Variants in ADGRL3 observed in about 807,000 individuals in gnomAD.
ADGRL3 encodes the protein calcium-independent alpha-latrotoxin receptor 3.
In ADGRL3, 62 loss-of-function variants were observed where a neutral mutation model predicts 153.5. The observed-to-expected ratio is 0.40, with a 90% CI of 0.33 to 0.50. ADGRL3 has a LOEUF of 0.50. Among genes scored for constraint, ADGRL3 ranks in the 20% least tolerant of loss-of-function variants. ADGRL3 has a pLI of 0.47. For missense variants in ADGRL3, 1,641 were observed against 1,859.4 expected (o/e 0.88, Z 2.16); for synonymous variants, 710 against 672.5 (o/e 1.06, Z -0.86).
At chr4:61,446,578 G>T (rs779923492) in intron 2 of ADGRL3, among the ~76,000 whole-genome samples, 7 of 152,120 alleles carry the variant, frequency 4.6e-5, no homozygotes, top group Non-Finnish European at 7.4e-5. Context: ...CTAGTTAATG[G>T]TCTGTCTGGC....
At chr4:61,443,452 A>G (rs1201032480) in intron 2 of ADGRL3, among the ~76,000 whole-genome samples, 1 of 152,162 alleles carries the variant, frequency 6.6e-6, no homozygotes, top group African/African-American at 2.4e-5. Context: ...AATGAGTAAT[A>G]TCATTGTGTG....
intron 1 of ADGRL3, among the ~76,000 whole-genome samples, chr4:61,246,968 C>G (rs1577969246): frequency 6.6e-6 from 1 of 152,000 alleles, no homozygotes; most frequent in Non-Finnish European, 1.5e-5. Flanking sequence ...TATAACACAA[C>G]ACAAATTGAA....
chr4:61,693,358 A>AT (rs202212530), intron 6 of ADGRL3, among the ~76,000 whole-genome samples: 58 of 149,918 alleles, frequency 3.9e-4, no homozygotes, highest in South Asian at 1.3e-3. Flanking sequence ...AGTTTTTTCT[A>AT]TTTTTTTTTC....
chr4:61,848,320 C>T (rs191684273), intron 9 of ADGRL3, among the ~76,000 whole-genome samples: 3 of 150,870 alleles, frequency 2.0e-5, no homozygotes, highest in African/African-American at 7.3e-5. Flanking sequence ...GGGCCATGTT[C>T]CCTCTGAAGC....
chr4:61,690,179 T>TCA (rs962685969), intron 6 of ADGRL3, among the ~76,000 whole-genome samples: 2 of 152,162 alleles, frequency 1.3e-5, no homozygotes, highest in African/African-American at 4.8e-5. Context: ...ACAAAGTGGC[T>TCA]CACACCTATA....
At chr4:61,314,918 G>T (rs1212058384) in intron 1 of ADGRL3, among the ~76,000 whole-genome samples, 1 of 152,200 alleles carries the variant, frequency 6.6e-6, no homozygotes, top group African/African-American at 2.4e-5. Context: ...GTTGGAAATT[G>T]AATCTATTAT....
chr4:61,275,068 G>A (rs142142020), intron 1 of ADGRL3, among the ~76,000 whole-genome samples: 393 of 152,264 alleles, frequency 2.6e-3, no homozygotes, highest in Non-Finnish European at 4.1e-3. Context: ...CAGTGGCCCA[G>A]AATTGCAACT....
At chr4:61,252,603 A>C (rs1759701774) in intron 1 of ADGRL3, among the ~76,000 whole-genome samples, 1 of 152,170 alleles carries the variant, frequency 6.6e-6, no homozygotes, top group Admixed American at 6.5e-5. Context: ...TGAAAGCACA[A>C]TAATATCAAA....
At chr4:61,648,774 A>T (rs1222541497) in intron 5 of ADGRL3, among the ~76,000 whole-genome samples, 1 of 152,006 alleles carries the variant, frequency 6.6e-6, no homozygotes, top group South Asian at 2.1e-4. Context: ...CACCTTACAT[A>T]TATCATTTCA....
intron 1 of ADGRL3, among the ~76,000 whole-genome samples, chr4:61,270,695 A>C (rs982551318): frequency 9.2e-5 from 14 of 151,780 alleles, no homozygotes; most frequent in African/African-American, 3.4e-4. Context: ...AGAATGACCA[A>C]GAAATGGAAA....
rs141599605 is a variant in ADGRL3, at chr4:61,525,866, G to A, written c.259+8348G>A. Among the ~76,000 whole-genome samples the A allele has an allele frequency of 1.4e-3, 206 of 152,220 alleles. 1 individual carries two copies. Among genetic ancestry groups the A allele is most frequent in the African/African-American group, 4.7e-3 (197 of 41,546 alleles). ...TGGTGAAGTTGGTCTTAGATATATT[G>A]ATTTAGAGGTGCAAATGTGAAGCAG... On this transcript the variant is annotated intron_variant, in intron 4 of 26. Coordinates refer to ENST00000683033, the MANE Select transcript of ADGRL3 (RefSeq NM_001387552.1).
At chr4:61,841,463 C>T (rs1039174822) in intron 9 of ADGRL3, among the ~76,000 whole-genome samples, 2 of 152,234 alleles carry the variant, frequency 1.3e-5, no homozygotes, top group African/African-American at 2.4e-5. Flanking sequence ...TTTCATCAAC[C>T]GCTCATTGTA....
chr4:61,667,081 A>G (rs766792491), intron 5 of ADGRL3, among the ~76,000 whole-genome samples: 1 of 152,094 alleles, frequency 6.6e-6, no homozygotes, highest in Admixed American at 6.5e-5. Context: ...AATTTTACTC[A>G]TGTGTCTGAC....
intron 1 of ADGRL3, among the ~76,000 whole-genome samples, chr4:61,341,907 T>C (rs1008167853): frequency 6.6e-6 from 1 of 152,166 alleles, no homozygotes; most frequent in African/African-American, 2.4e-5. Context: ...TTGTAATTAA[T>C]ATTTTGTTAA....
At chr4:61,273,012 C>A (rs2093279441) in intron 1 of ADGRL3, among the ~76,000 whole-genome samples, 1 of 152,080 alleles carries the variant, frequency 6.6e-6, no homozygotes, top group African/African-American at 2.4e-5. Context: ...CTCTCTACTA[C>A]TCAGTATTCT....
rs557111877 is a variant in ADGRL3 at position 61,823,799 on chromosome 4, C to T, written c.1480+9910C>T. Among the ~76,000 whole-genome samples, 14 of 152,252 alleles carry T rather than the reference C, an allele frequency of 9.2e-5. No individual in the cohort carries two copies. In the South Asian group the frequency reaches 1.2e-3, roughly 14 times the overall value. ...TCCATAGGCTGGGCATGGTGGCTAACGCCTGTAATCCCAGCTCTTTGAGAG... is the reference window on the plus strand; with the variant it reads ...TCCATAGGCTGGGCATGGTGGCTAATGCCTGTAATCCCAGCTCTTTGAGAG... On this transcript the variant is annotated intron_variant, in intron 9 of 26. Transcript: ENST00000683033.
chr4:61,844,575 A>AAAAATAT (rs1554045137), intron 9 of ADGRL3, among the ~76,000 whole-genome samples: 5 of 18,108 alleles, frequency 2.8e-4, no homozygotes, highest in Admixed American at 1.4e-3. Flanking sequence ...AAAAAAAAAA[A>AAAAATAT]ATATATATAT....
At chr4:61,640,404 C>G (rs573114572) in intron 5 of ADGRL3, among the ~76,000 whole-genome samples, 5 of 152,136 alleles carry the variant, frequency 3.3e-5, no homozygotes, top group Non-Finnish European at 5.9e-5. Context: ...TCCCTGTTTA[C>G]ATATTTAGCT....
intron 8 of ADGRL3, among the ~76,000 whole-genome samples, chr4:61,812,893 AGTT>A (rs1267067734): frequency 2.6e-5 from 4 of 152,116 alleles, no homozygotes; most frequent in Non-Finnish European, 4.4e-5. Context: ...AATTGTGGTT[AGTT>A]GTTTTTTTCA....
Sources: allele counts gnomAD v4.1 joint callset (sites outside exome capture counted in the v4.1 genomes callset), GRCh38; gene constraint gnomAD v4.1.1; transcripts MANE v1.5; gene names NCBI Gene and HGNC (gene_info 2026-07-23, HGNC 2026-07-21).